Variants in EXOC6B observed in about 807,000 individuals in gnomAD.
The protein encoded by EXOC6B is exocyst complex component 6B.
Under a neutral mutation model 113.5 loss-of-function variants are expected in EXOC6B, and 54 were observed. The observed-to-expected ratio is 0.48, with a 90% CI of 0.38 to 0.60. EXOC6B has a LOEUF of 0.60. EXOC6B is among the 20% of genes least tolerant of loss of function. EXOC6B has a pLI of 0.00. For synonymous variants in EXOC6B, 357 were observed against 339.0 expected, an observed-to-expected ratio of 1.05 and a Z score of -0.58; for missense variants, 797 against 977.5, an observed-to-expected ratio of 0.82 and a Z score of 2.46.
intron 8 of EXOC6B, among the ~76,000 whole-genome samples, chr2:72,549,661 A>G (rs140065625): frequency 6.1e-4 from 93 of 152,340 alleles, no homozygotes; most frequent in Middle Eastern, 3.4e-3. Flanking sequence ...GGCAATACAT[A>G]TAAGTCCAAA....
intron 1 of EXOC6B, among the ~76,000 whole-genome samples, chr2:72,748,678 A>G (rs1558970671): frequency 6.6e-6 from 1 of 152,070 alleles, no homozygotes. Flanking sequence ...AAGATAGCCC[A>G]TATAACCAAA....
At chr2:72,349,930 C>A (rs1558580672) in intron 19 of EXOC6B, among the ~76,000 whole-genome samples, 1 of 152,100 alleles carries the variant, frequency 6.6e-6, no homozygotes, top group African/African-American at 2.4e-5. Flanking sequence ...TGTGGGGACT[C>A]TGCTGACTCT....
intron 6 of EXOC6B, among the ~76,000 whole-genome samples, chr2:72,635,361 G>T (rs1206313073): frequency 1.3e-5 from 2 of 152,192 alleles, no homozygotes; most frequent in Non-Finnish European, 2.9e-5. Context: ...AATCAGGAAT[G>T]AAACAATGGC....
At chr2:72,192,925 C>G (rs1042009044) in intron 20 of EXOC6B, among the ~76,000 whole-genome samples, 1 of 152,152 alleles carries the variant, frequency 6.6e-6, no homozygotes, top group Admixed American at 6.5e-5. Context: ...GGACACTTAA[C>G]ATATAATCCA....
chr2:72,176,809 T>C lies in EXOC6B; in HGVS notation c.*2526A>G, dbSNP rs892065944. The C allele has an allele frequency of 6.6e-6, 1 of 152,220 alleles. No homozygotes were observed. The highest frequency in any genetic ancestry group is 1.5e-5 in the Non-Finnish European group (1 of 68,064). The allele number at this position is 152,220 out of a possible 1,614,324, so 9.4% of individuals were successfully genotyped here. A position where few individuals can be genotyped will look rare whatever the true frequency, so the allele number is the denominator to read the frequency against. Reference sequence around the variant, plus strand: ...CAGAAGCCATACAGGCTTCTAGCCATCTGTGTGCTTGCCCTCTTATTGAGG... The same window carrying C: ...CAGAAGCCATACAGGCTTCTAGCCACCTGTGTGCTTGCCCTCTTATTGAGG... On this transcript the variant is annotated 3_prime_UTR_variant, in exon 22 of 22. Coordinates refer to ENST00000272427, the MANE Select transcript of EXOC6B (RefSeq NM_015189.3).
intron 1 of EXOC6B, among the ~76,000 whole-genome samples, chr2:72,784,669 C>T (rs977662030): frequency 1.8e-4 from 28 of 152,124 alleles, no homozygotes; most frequent in Admixed American, 1.3e-4. Context: ...GAGAATAGCA[C>T]AGGAAAGACC....
intron 11 of EXOC6B, among the ~76,000 whole-genome samples, chr2:72,510,061 T>C (rs1700810919): frequency 6.6e-6 from 1 of 152,176 alleles, no homozygotes. Context: ...CTTGAACTCC[T>C]GACCTCAGAT....
chr2:72,380,440 C>A (rs540677305), intron 18 of EXOC6B, among the ~76,000 whole-genome samples: 1 of 152,054 alleles, frequency 6.6e-6, no homozygotes, highest in South Asian at 2.1e-4. Context: ...GAGATCGAGA[C>A]CATCCTGGCT....
At chr2:72,741,499 C>T (rs369391363) in intron 1 of EXOC6B, 30 bp from the exon 2 acceptor site, 12 of 1,577,868 alleles carry the variant, frequency 7.6e-6, no homozygotes, top group Admixed American at 1.9e-5. Context: ...GAAGATTATA[C>T]CATGGTTACT....
intron 20 of EXOC6B, among the ~76,000 whole-genome samples, chr2:72,264,400 G>A (rs976378118): frequency 3.3e-5 from 5 of 151,920 alleles, no homozygotes; most frequent in South Asian, 2.1e-4. Flanking sequence ...GTGAAACCCC[G>A]TCTCTACAAA....
intron 15 of EXOC6B, among the ~76,000 whole-genome samples, chr2:72,493,909 G>A (rs1699898067): frequency 1.3e-5 from 2 of 151,934 alleles, no homozygotes; most frequent in Admixed American, 1.3e-4. Context: ...AAGAAATAAT[G>A]GTTTTTATAC....
At chr2:72,523,368 G>A (rs969370114) in intron 8 of EXOC6B, among the ~76,000 whole-genome samples, 1 of 152,126 alleles carries the variant, frequency 6.6e-6, no homozygotes, top group African/African-American at 2.4e-5. Context: ...CTAAACATTA[G>A]TGGCATCTTA....
In EXOC6B at chr2:72,329,005, T is replaced by C. The variant is rs554634392; in HGVS notation, c.2196+5942A>G. 3.3e-5 allele frequency among the ~76,000 whole-genome samples: 5 copies of C among 152,198 alleles called. No homozygotes were observed. In the South Asian group the frequency reaches 1.0e-3, roughly 32 times the overall value. On this transcript the variant is annotated intron_variant, in intron 20 of 21. Transcript: ENST00000272427. The stretch of plus-strand genomic sequence containing the variant: ...GGCCATTATTTGACATCACATACAA[T>C]CTGAAGGTCAACAGAATATTTCAAC...
intron 1 of EXOC6B, among the ~76,000 whole-genome samples, chr2:72,741,911 G>A (rs370614537): frequency 1.8e-4 from 28 of 152,266 alleles, no homozygotes; most frequent in Middle Eastern, 3.4e-3. Context: ...AGTCAATATC[G>A]CTAGATAATT....
rs1019271736 is a variant in EXOC6B at position 72,386,832 on chromosome 2, T to G, written c.1981-6962A>C. Reference sequence around the variant, plus strand: ...TACTATCTATATGTATTCTGTAACATCATGTTGTACACCTTAAATAAATGT... The same window carrying G: ...TACTATCTATATGTATTCTGTAACAGCATGTTGTACACCTTAAATAAATGT... On this transcript the variant is annotated intron_variant, in intron 18 of 21. Transcript: ENST00000272427. 3.3e-5 allele frequency among the ~76,000 whole-genome samples: 5 copies of G among 152,358 alleles called. No homozygotes were observed. The East Asian group carries it at 7.7e-4, about 24-fold the overall frequency.
chr2:72,287,163 G>T (rs981726425), intron 20 of EXOC6B, among the ~76,000 whole-genome samples: 1 of 151,914 alleles, frequency 6.6e-6, no homozygotes, highest in African/African-American at 2.4e-5. Context: ...GGGCGCAGTG[G>T]TCAAGCCTGT....
At chr2:72,347,649 C>G (rs958545622) in intron 19 of EXOC6B, among the ~76,000 whole-genome samples, 1 of 152,006 alleles carries the variant, frequency 6.6e-6, no homozygotes, top group African/African-American at 2.4e-5. Context: ...ATAATTTCAA[C>G]ATGAAATTAA....
chr2:72,352,896 C>G (rs1489885121), intron 19 of EXOC6B, among the ~76,000 whole-genome samples: 1 of 151,894 alleles, frequency 6.6e-6, no homozygotes, highest in African/African-American at 2.4e-5. Flanking sequence ...CTGGTTTATA[C>G]CCTATAAAAG....
chr2:72,791,264 G>A (rs1410251277), intron 1 of EXOC6B, among the ~76,000 whole-genome samples: 1 of 152,174 alleles, frequency 6.6e-6, no homozygotes, highest in Admixed American at 6.5e-5. Context: ...TTTGCCAGGT[G>A]TGGTGGCTCT....
Sources: allele counts gnomAD v4.1 joint callset (sites outside exome capture counted in the v4.1 genomes callset), GRCh38; gene constraint gnomAD v4.1.1; transcripts MANE v1.5; gene names NCBI Gene and HGNC (gene_info 2026-07-23, HGNC 2026-07-21).